Variants in ARIH2 observed in about 807,000 individuals in gnomAD.
ARIH2 encodes ariadne RBR E3 ubiquitin protein ligase 2, also known as E3 ubiquitin-protein ligase ARIH2.
ARIH2 carries 12 observed loss-of-function variants against 79.8 expected under a neutral mutation model. The ratio of observed to expected loss-of-function variants is 0.15; its 90% CI spans 0.10 to 0.24. The LOEUF is 0.24. ARIH2 is among the 10% of genes least tolerant of loss of function. The probability of loss-of-function intolerance (pLI) is 1.00; values close to 1 mark genes in which losing one functional copy is unlikely to be tolerated. For missense variants in ARIH2, 301 were observed against 618.3 expected (o/e 0.49, Z 5.44); for synonymous variants, 224 against 213.9 (o/e 1.05, Z -0.41).
At chr3:48,979,236 G>A (rs963530658) in intron 11 of ARIH2, among the ~76,000 whole-genome samples, 6 of 152,184 alleles carry the variant, frequency 3.9e-5, no homozygotes, top group African/African-American at 7.2e-5. Flanking sequence ...TAAGGCGCAT[G>A]GCACATGTGC....
At chr3:48,945,021 C>T in intron 3 of ARIH2, 1 of 858,702 alleles carries the variant, frequency 1.2e-6, no homozygotes, top group South Asian at 1.4e-5. Context: ...GTGATTGGAC[C>T]ACGAAGTGGC....
intron 9 of ARIH2, 78 bp downstream of exon 9, chr3:48,973,894 T>C: frequency 8.8e-7 from 1 of 1,140,914 alleles, no homozygotes; most frequent in Admixed American, 1.8e-5. Flanking sequence ...ATTTGCCATC[T>C]GAGAGCAGAA....
intron 7 of ARIH2, among the ~76,000 whole-genome samples, chr3:48,970,182 G>A (rs1335062506): frequency 1.3e-5 from 1 of 77,796 alleles, no homozygotes; most frequent in African/African-American, 6.2e-5. Flanking sequence ...ATGAGCCACC[G>A]CGCCCGGCCT....
At chr3:48,935,765 A>G (rs1230565188) in intron 3 of ARIH2, among the ~76,000 whole-genome samples, 8 of 152,186 alleles carry the variant, frequency 5.3e-5, no homozygotes, top group Admixed American at 4.6e-4. Flanking sequence ...AAGCGGGGCA[A>G]AAGTGGAAGG....
intron 3 of ARIH2, among the ~76,000 whole-genome samples, chr3:48,934,013 T>C (rs1406527503): frequency 1.3e-5 from 2 of 152,214 alleles, no homozygotes; most frequent in African/African-American, 4.8e-5. Flanking sequence ...CCATACTCTT[T>C]TGTGAATTTT....
At chr3:48,977,752 C>T (rs1012927364) in intron 11 of ARIH2, among the ~76,000 whole-genome samples, 49 of 152,220 alleles carry the variant, frequency 3.2e-4, no homozygotes, top group Middle Eastern at 3.4e-3. Context: ...GCACCGTGCC[C>T]GGCCTGTATT....
chr3:48,958,900 A>G (rs1182138159), intron 3 of ARIH2, among the ~76,000 whole-genome samples: 1 of 152,150 alleles, frequency 6.6e-6, no homozygotes, highest in African/African-American at 2.4e-5. Flanking sequence ...CTGTAGTCCC[A>G]GCTACTCAGG....
chr3:48,945,835 G>A (rs900472651), intron 3 of ARIH2, among the ~76,000 whole-genome samples: 2 of 152,128 alleles, frequency 1.3e-5, no homozygotes, highest in Non-Finnish European at 2.9e-5. Context: ...AGCTGAAACA[G>A]AAGTAGGGCA....
intron 8 of ARIH2, among the ~76,000 whole-genome samples, chr3:48,971,531 A>G (rs1250010344): frequency 6.6e-6 from 1 of 152,170 alleles, no homozygotes; most frequent in Non-Finnish European, 1.5e-5. Flanking sequence ...GATTGAGCCA[A>G]CCGCGCCTAG....
chr3:48,923,027 G>C (rs965765011), intron 2 of ARIH2, among the ~76,000 whole-genome samples: 15 of 152,050 alleles, frequency 9.9e-5, no homozygotes, highest in African/African-American at 3.6e-4. Context: ...CTAAAACGGT[G>C]AAACCCCGTC....
chr3:48,947,556 A>G (rs539523739), intron 3 of ARIH2, among the ~76,000 whole-genome samples: 1 of 152,228 alleles, frequency 6.6e-6, no homozygotes, highest in Non-Finnish European at 1.5e-5. Context: ...TCTATAGTGT[A>G]TACAGTCAGT....
At chr3:48,967,813 G>A (rs1429986547) in intron 6 of ARIH2, among the ~76,000 whole-genome samples, 1 of 152,076 alleles carries the variant, frequency 6.6e-6, no homozygotes, top group Non-Finnish European at 1.5e-5. Flanking sequence ...TTTTTTAAAT[G>A]GTTTTGTTAT....
At chr3:48,978,911 A>T (rs978534750) in intron 11 of ARIH2, among the ~76,000 whole-genome samples, 1 of 152,006 alleles carries the variant, frequency 6.6e-6, no homozygotes, top group African/African-American at 2.4e-5. Flanking sequence ...CAGTAAGCCA[A>T]GATCGCGCCA....
intron 3 of ARIH2, among the ~76,000 whole-genome samples, chr3:48,937,929 C>T (rs953060354): frequency 6.6e-6 from 1 of 151,610 alleles, no homozygotes; most frequent in African/African-American, 2.4e-5. Flanking sequence ...CGCCTGTAGT[C>T]CCAGCTACTC....
intron 3 of ARIH2, among the ~76,000 whole-genome samples, chr3:48,939,609 T>C (rs1483498103): frequency 6.6e-6 from 1 of 150,884 alleles, no homozygotes; most frequent in Non-Finnish European, 1.5e-5. Context: ...TACAAAAAAA[T>C]TAGCCGGGTG....
In ARIH2 at chr3:48,927,790, A is replaced by T; in HGVS notation, c.232A>T (p.Thr78Ser). 2 of 1,614,148 alleles carry T rather than the reference A, an allele frequency of 1.2e-6. No individual in the cohort carries two copies. The highest frequency in any genetic ancestry group is 1.7e-6 in the Non-Finnish European group (2 of 1,180,012). The change falls in exon 3 of 16, where the codon ACC becomes TCC. Residue 78 changes from threonine (T) to serine (S), a missense_variant. Around this residue, in one of 2 missense-constraint regions of ARIH2, gnomAD observed 223 missense variants for 349.4 expected, o/e 0.64. Transcript: ENST00000356401. ...ESEGALNEHM[T>S]SLASVLKVSH... ...TGAGGGTGCCCTCAATGAGCACATG[A>T]CCAGCTTAGCTTCTGTCCTAAAGGT...
intron 3 of ARIH2, among the ~76,000 whole-genome samples, chr3:48,930,899 C>A (rs528664482): frequency 6.6e-6 from 1 of 152,066 alleles, no homozygotes; most frequent in African/African-American, 2.4e-5. Context: ...TATAGCCTTA[C>A]GAATTCTAGT....
intron 11 of ARIH2, among the ~76,000 whole-genome samples, chr3:48,975,552 G>A (rs982043592): frequency 1.3e-5 from 2 of 151,684 alleles, no homozygotes; most frequent in African/African-American, 4.8e-5. Flanking sequence ...CTCAACAGGA[G>A]CCCCTGACAG....
chr3:48,971,307 C>T (rs1465180990), intron 8 of ARIH2, among the ~76,000 whole-genome samples: 1 of 152,206 alleles, frequency 6.6e-6, no homozygotes, highest in Non-Finnish European at 1.5e-5. Flanking sequence ...TGCAGTGGCA[C>T]ATACTTGGCT....
Sources: allele counts gnomAD v4.1 joint callset (sites outside exome capture counted in the v4.1 genomes callset), GRCh38; gene constraint gnomAD v4.1.1; regional missense constraint gnomAD v4.1.1; transcripts MANE v1.5; gene names NCBI Gene and HGNC (gene_info 2026-07-23, HGNC 2026-07-21).